Variants in SLC24A3 observed in about 807,000 individuals in gnomAD.
SLC24A3 encodes the protein solute carrier family 24 member 3.
A neutral mutation model predicts 75.8 loss-of-function variants in SLC24A3; 28 were observed. The observed-to-expected ratio is 0.37, with a 90% CI of 0.27 to 0.51. The LOEUF (loss-of-function observed/expected upper bound fraction) is 0.51. SLC24A3 is among the 20% of genes least tolerant of loss of function. The pLI, the probability that SLC24A3 is intolerant of heterozygous loss-of-function variation, is 0.94. For missense variants in SLC24A3, 663 were observed against 847.8 expected (o/e 0.78, Z 2.71); for synonymous variants, 372 against 334.1 (o/e 1.11, Z -1.24).
intron 2 of SLC24A3, among the ~76,000 whole-genome samples, chr20:19,449,711 T>C (rs914402218): frequency 1.3e-5 from 2 of 152,182 alleles, no homozygotes; most frequent in Non-Finnish European, 2.9e-5. Context: ...TTAAACCACA[T>C]GCCTTGGAGC....
chr20:19,250,488 T>C (rs8124502), intron 1 of SLC24A3, among the ~76,000 whole-genome samples: 11,446 of 152,296 alleles, frequency 0.075, 532 homozygotes, highest in Middle Eastern at 0.12. Context: ...CTCAGCATCT[T>C]CTTTCTTCAG....
chr20:19,348,431 C>T (rs2207091), intron 2 of SLC24A3, among the ~76,000 whole-genome samples: 1 of 151,862 alleles, frequency 6.6e-6, no homozygotes, highest in African/African-American at 2.4e-5. Flanking sequence ...AGACAGTCCA[C>T]GTATAGGGCA....
chr20:19,470,707 C>G (rs1987856506), intron 2 of SLC24A3, among the ~76,000 whole-genome samples: 1 of 152,202 alleles, frequency 6.6e-6, no homozygotes, highest in Admixed American at 6.5e-5. Flanking sequence ...CCACTCATTT[C>G]TGTGTTTCTG....
chr20:19,678,216 T>C (rs1414063887), intron 9 of SLC24A3, among the ~76,000 whole-genome samples: 1 of 150,934 alleles, frequency 6.6e-6, no homozygotes, highest in Non-Finnish European at 1.5e-5. Context: ...CTCAATGAGC[T>C]GTTGGGCACA....
At chr20:19,549,382 A>G (rs371898780) in intron 3 of SLC24A3, among the ~76,000 whole-genome samples, 2 of 152,258 alleles carry the variant, frequency 1.3e-5, no homozygotes, top group African/African-American at 4.8e-5. Context: ...TTGATATTGT[A>G]GAATCAATAT....
intron 3 of SLC24A3, among the ~76,000 whole-genome samples, chr20:19,558,046 C>T (rs114136182): frequency 0.021 from 3,259 of 152,098 alleles, 110 homozygotes; most frequent in African/African-American, 0.073. Flanking sequence ...TGAAGCATAA[C>T]CTGCAATAGA....
At chr20:19,481,606 C>A (rs1988055260) in intron 2 of SLC24A3, among the ~76,000 whole-genome samples, 1 of 152,100 alleles carries the variant, frequency 6.6e-6, no homozygotes, top group Non-Finnish European at 1.5e-5. Context: ...TAGTGGGTCT[C>A]CAAGCTGGGG....
intron 2 of SLC24A3, among the ~76,000 whole-genome samples, chr20:19,474,551 G>A (rs545027652): frequency 6.2e-4 from 94 of 152,214 alleles, no homozygotes; most frequent in African/African-American, 2.2e-3. Context: ...TCATAGAGCT[G>A]GGTCTCCGTG....
chr20:19,679,589 G>C (rs1014326648), intron 9 of SLC24A3, among the ~76,000 whole-genome samples: 2 of 151,142 alleles, frequency 1.3e-5, no homozygotes, highest in African/African-American at 4.9e-5. Flanking sequence ...GAGACCGTGG[G>C]GAGAGGGAGA....
intron 2 of SLC24A3, among the ~76,000 whole-genome samples, chr20:19,342,165 T>C (rs564337952): frequency 1.7e-3 from 263 of 152,350 alleles, no homozygotes; most frequent in Middle Eastern, 3.4e-3. Context: ...CTTTTGCCAG[T>C]CTTTAAAAAA....
intron 2 of SLC24A3, among the ~76,000 whole-genome samples, chr20:19,294,885 T>A (rs1303547656): frequency 1.3e-5 from 2 of 152,240 alleles, no homozygotes; most frequent in Non-Finnish European, 2.9e-5. Context: ...ATGGTTGAAC[T>A]AATTTACATT....
At chr20:19,325,752 GTATACATACATACATATATA>G (rs1367399231) in intron 2 of SLC24A3, among the ~76,000 whole-genome samples, 1,210 of 75,066 alleles carry the variant, frequency 0.016, 60 homozygotes, top group Middle Eastern at 0.022. Context: ...GTGTGTGTGT[GTATACATACATACATATATA>G]TATACATATA....
At chr20:19,315,196 G>A (rs1984557099) in intron 2 of SLC24A3, among the ~76,000 whole-genome samples, 1 of 152,140 alleles carries the variant, frequency 6.6e-6, no homozygotes, top group African/African-American at 2.4e-5. Context: ...AGGGTAGGTT[G>A]GTTTCCTCTG....
At chr20:19,618,223 G>T (rs1414099054) in intron 6 of SLC24A3, among the ~76,000 whole-genome samples, 1 of 152,200 alleles carries the variant, frequency 6.6e-6, no homozygotes, top group Admixed American at 6.5e-5. Context: ...CAACTTCATT[G>T]CTTTGTTAGT....
chr20:19,431,437 G>C (rs1987101302), intron 2 of SLC24A3, among the ~76,000 whole-genome samples: 1 of 152,118 alleles, frequency 6.6e-6, no homozygotes, highest in Non-Finnish European at 1.5e-5. Flanking sequence ...GACCAGCAGA[G>C]CATCACTGAG....
chr20:19,638,378 G>GA (rs2032027006), intron 6 of SLC24A3, among the ~76,000 whole-genome samples: 1 of 152,192 alleles, frequency 6.6e-6, no homozygotes, highest in Non-Finnish European at 1.5e-5. Context: ...ATGAGACAGG[G>GA]AAGAGTTGTT....
chr20:19,648,711 A>G (rs543799673), intron 6 of SLC24A3, among the ~76,000 whole-genome samples: 1 of 152,346 alleles, frequency 6.6e-6, no homozygotes, highest in East Asian at 1.9e-4. Flanking sequence ...TCCTAGAGGG[A>G]GCCAGAATTC....
intron 2 of SLC24A3, among the ~76,000 whole-genome samples, chr20:19,282,106 C>T (rs1046020333): frequency 6.6e-6 from 1 of 152,134 alleles, no homozygotes; most frequent in Non-Finnish European, 1.5e-5. Context: ...AAACAATCTC[C>T]ATTGCAGCCC....
chr20:19,615,175 A>AAT (rs1292991880), intron 6 of SLC24A3, among the ~76,000 whole-genome samples: 3 of 152,112 alleles, frequency 2.0e-5, no homozygotes, highest in African/African-American at 2.4e-5. Context: ...GTCATTTAAA[A>AAT]ATATATATAT....
Sources: allele counts gnomAD v4.1 joint callset (sites outside exome capture counted in the v4.1 genomes callset), GRCh38; gene constraint gnomAD v4.1.1; transcripts MANE v1.5; gene names NCBI Gene and HGNC (gene_info 2026-07-23, HGNC 2026-07-21).